ARRDC5: variants seen among roughly 807,000 people sequenced by gnomAD.
ARRDC5 encodes the protein arrestin domain containing 5, also known as arrestin domain-containing protein 5.
In ARRDC5, 12 loss-of-function variants were observed where a neutral mutation model predicts 13.3. That is an observed-to-expected ratio of 0.90 (90% CI 0.58 to 1.46). ARRDC5 has a LOEUF of 1.46. Among genes scored for constraint, ARRDC5 ranks in the 40% most tolerant of loss-of-function variants. The probability of loss-of-function intolerance (pLI) is 0.00; values close to 1 mark genes in which losing one functional copy is unlikely to be tolerated. For missense variants in ARRDC5, 406 were observed against 418.7 expected, an observed-to-expected ratio of 0.97 and a Z score of 0.26; for synonymous variants, 181 against 173.4, an observed-to-expected ratio of 1.04 and a Z score of -0.34.
chr19:4,893,134 ATATAT>A (rs1237048731), intron 2 of ARRDC5, among the ~76,000 whole-genome samples: 44 of 141,428 alleles, frequency 3.1e-4, no homozygotes, highest in Admixed American at 1.7e-3. Context: ...ATAATATAAT[ATATAT>A]TATATTATTA....
the ARRDC5 span, among the ~76,000 whole-genome samples, chr19:4,913,048 C>T: frequency 1.3e-5 from 2 of 152,102 alleles, no homozygotes; most frequent in East Asian, 1.9e-4. Context: ...GCTACAGTGC[C>T]GGACCTAAAA....
the ARRDC5 span, among the ~76,000 whole-genome samples, chr19:4,913,443 C>G: frequency 6.6e-6 from 1 of 152,014 alleles, no homozygotes; most frequent in African/African-American, 2.4e-5. Flanking sequence ...TTAGTAGAGA[C>G]GGAGTTTCAC....
At position 4,896,348 on chromosome 19, in the gene ARRDC5, A is replaced by T. The variant is rs1266434117; in HGVS notation, c.459+323T>A. ...AAAAAAAATATATATATATATATAT[A>T]TTTTTTTTTTTTTACACACACACAC... On this transcript the variant is annotated intron_variant, in intron 2 of 2. Transcript: ENST00000650722. 3.1e-3 allele frequency among the ~76,000 whole-genome samples: 186 copies of T among 59,552 alleles called. 7 individuals are homozygous for T. The highest frequency in any genetic ancestry group is 0.01 in the Middle Eastern group (1 of 96). 39.1% of individuals were successfully genotyped at this position (59,552 alleles called of 152,430 possible). A position where few individuals can be genotyped will look rare whatever the true frequency, so the allele number is the denominator to read the frequency against.
upstream of ARRDC5, among the ~76,000 whole-genome samples, chr19:4,906,468 G>A (rs576611912): frequency 6.6e-6 from 1 of 152,168 alleles, no homozygotes; most frequent in African/African-American, 2.4e-5. Flanking sequence ...AAGAATGCAT[G>A]CCCAGCCAAT....
At chr19:4,895,225 C>T (rs532209589) in intron 2 of ARRDC5, among the ~76,000 whole-genome samples, 1 of 151,686 alleles carries the variant, frequency 6.6e-6, no homozygotes, top group Admixed American at 6.6e-5. Flanking sequence ...AGTTTAAGAC[C>T]AGCCTGGCCA....
chr19:4,907,794 C>T (rs1292511625), upstream of ARRDC5, among the ~76,000 whole-genome samples: 1 of 145,592 alleles, frequency 6.9e-6, no homozygotes, highest in African/African-American at 2.6e-5. Flanking sequence ...CTCACCACAA[C>T]CTCTGCCTCC....
At chr19:4,916,206 C>A in the ARRDC5 span, among the ~76,000 whole-genome samples, 1 of 151,016 alleles carries the variant, frequency 6.6e-6, no homozygotes, top group Non-Finnish European at 1.5e-5. Context: ...CTCGGGAGGC[C>A]AAGGTGGGAA....
intron 2 of ARRDC5, among the ~76,000 whole-genome samples, chr19:4,892,396 T>TG (rs1199934692): frequency 4.1e-5 from 6 of 147,450 alleles, no homozygotes; most frequent in African/African-American, 7.6e-5. Context: ...GCATTTTTTT[T>TG]TTTTTTAATG....
chr19:4,896,938 T>TC (rs920924519), intron 1 of ARRDC5, 62 bp from the exon 2 acceptor site: 11 of 1,127,888 alleles, frequency 9.8e-6, no homozygotes, highest in African/African-American at 1.6e-5. Context: ...TTCTTCTTCT[T>TC]TTTTTTTTTG....
chr19:4,896,269 CA>C (rs201953620), intron 2 of ARRDC5, among the ~76,000 whole-genome samples: 34,484 of 140,898 alleles, frequency 0.24, 4,863 homozygotes, highest in East Asian at 0.58. Flanking sequence ...GAGCCGAGAT[CA>C]TGCCTCTGCA....
the ARRDC5 span, among the ~76,000 whole-genome samples, chr19:4,913,919 C>T: frequency 6.9e-6 from 1 of 145,704 alleles, no homozygotes; most frequent in Non-Finnish European, 1.5e-5. Flanking sequence ...TCCAGCGATT[C>T]TTCTGCCTCA....
At chr19:4,900,659 T>C (rs1779505620) in intron 1 of ARRDC5, among the ~76,000 whole-genome samples, 1 of 152,192 alleles carries the variant, frequency 6.6e-6, no homozygotes, top group Non-Finnish European at 1.5e-5. Flanking sequence ...CACTCAGTTC[T>C]GTGCTTGGTT....
chr19:4,895,360 T>C (rs1599212450), intron 2 of ARRDC5, among the ~76,000 whole-genome samples: 5 of 140,636 alleles, frequency 3.6e-5, no homozygotes, highest in Admixed American at 2.3e-4. Flanking sequence ...GAGGCAGAGG[T>C]TGTATTGAGC....
intron 2 of ARRDC5, among the ~76,000 whole-genome samples, chr19:4,892,738 G>A (rs997225971): frequency 2.6e-5 from 4 of 151,986 alleles, no homozygotes; most frequent in Non-Finnish European, 5.9e-5. Context: ...TGCCTGTTCT[G>A]TTCTTTTATC....
chr19:4,911,551 A>G, the ARRDC5 span, among the ~76,000 whole-genome samples: 3 of 152,200 alleles, frequency 2.0e-5, no homozygotes, highest in East Asian at 5.8e-4. Flanking sequence ...CTAATCAGGA[A>G]TTTCCGCCAC....
upstream of ARRDC5, among the ~76,000 whole-genome samples, chr19:4,905,222 T>G (rs1161244854): frequency 6.8e-6 from 1 of 146,936 alleles, no homozygotes; most frequent in Non-Finnish European, 1.5e-5. Flanking sequence ...GTTCACGCCA[T>G]TCTCCTGCCT....
At chr19:4,894,043 G>C (rs2031611438) in intron 2 of ARRDC5, among the ~76,000 whole-genome samples, 2 of 97,008 alleles carry the variant, frequency 2.1e-5, no homozygotes, top group Admixed American at 2.3e-4. Context: ...GCAAGACTCT[G>C]CCTAAAAAAA....
upstream of ARRDC5, among the ~76,000 whole-genome samples, chr19:4,905,167 A>AGTGCAGTG (rs1313993059): frequency 8.2e-6 from 1 of 121,870 alleles, no homozygotes; most frequent in African/African-American, 3.3e-5. Flanking sequence ...CCCAGGCTGG[A>AGTGCAGTG]GTGCAGTGGT....
chr19:4,909,659 A>AGC, the ARRDC5 span: 2 of 538,636 alleles, frequency 3.7e-6, no homozygotes, highest in Non-Finnish European at 6.5e-6. Flanking sequence ...CGGAGAGGTG[A>AGC]GCGGGCGGGC....
Sources: gnomAD v4.1 joint callset for allele counts (sites outside exome capture counted in the v4.1 genomes callset) on GRCh38, gnomAD v4.1.1 for gene constraint, MANE v1.5 for transcripts, NCBI Gene and HGNC (gene_info 2026-07-23, HGNC 2026-07-21) for gene names.